GALNT15: variants seen among roughly 807,000 people sequenced by gnomAD.
GALNT15 encodes the protein UDP-GalNAc transferase T15.
In GALNT15, 67 loss-of-function variants were observed where a neutral mutation model predicts 66.8. The observed-to-expected ratio is 1.00, with a 90% CI of 0.82 to 1.23. The LOEUF (loss-of-function observed/expected upper bound fraction) is 1.23. Among genes scored for constraint, GALNT15 ranks in the 50% most tolerant of loss-of-function variants. GALNT15 has a pLI of 0.00. For missense variants in GALNT15, 827 were observed against 804.3 expected (o/e 1.03, Z -0.34); for synonymous variants, 313 against 311.5 (o/e 1.00, Z -0.05).
In GALNT15 at chr3:16,175,191, C is replaced by T. The variant is rs201602823; in HGVS notation, c.40C>T (p.Leu14Phe). The T allele has an allele frequency of 3.7e-6, 6 of 1,614,078 alleles. No individual in the cohort carries two copies. The Admixed American group carries it at 6.7e-5, about 18-fold the overall frequency. The change falls in exon 1 of 10, where the codon CTC becomes TTC. Residue 14 changes from leucine to phenylalanine, a missense_variant. Coordinates refer to ENST00000339732, the MANE Select transcript of GALNT15 (RefSeq NM_054110.5). The surrounding 1 kb of genome is among the most constrained non-coding windows in gnomAD (Gnocchi z 5.6). ...GCGATACAGGCACAGACCATGCAGA[C>T]TCCAGTTCCTCCTGCTGCTCCTGAT... Reference protein sequence around the residue: ...RKRYRHRPCRLQFLLLLLMLG... With the variant: ...RKRYRHRPCRFQFLLLLLMLG...
Position 16,228,943 on chromosome 3 carries a change from T to C in GALNT15, c.*1443T>C. On this transcript the variant is annotated 3_prime_UTR_variant, in exon 10 of 10. Transcript: ENST00000339732. ...ACAGCTGAGGCTAGTAAGAGCTAAA[T>C]GACTTTCCTTGCTATGACTTGGCTT... 1 of 985,450 alleles carries C rather than the reference T, an allele frequency of 1.0e-6. No individual in the cohort carries two copies. The highest frequency in any genetic ancestry group is 1.1e-4 in the East Asian group (1 of 8,816). The allele number at this position is 985,450 out of a possible 1,614,324, so 61.0% of individuals were successfully genotyped here.
chr3:16,241,617 C>T, the GALNT15 span, among the ~76,000 whole-genome samples: 1 of 152,094 alleles, frequency 6.6e-6, no homozygotes, highest in Admixed American at 6.6e-5. This position sits in a 1 kb window ranked among gnomAD's most constrained non-coding sequence, Gnocchi z 4.6. Flanking sequence ...GGCGCGATCT[C>T]GGCTCACTGC....
chr3:16,244,989 C>T, the GALNT15 span, among the ~76,000 whole-genome samples: 1 of 152,136 alleles, frequency 6.6e-6, no homozygotes, highest in African/African-American at 2.4e-5. Context: ...CTGCATTATG[C>T]ACCAGGGTTT....
chr3:16,227,583 A>G lies in GALNT15; in HGVS notation c.*83A>G, dbSNP rs1190778439. 2 of 1,609,478 alleles carry G rather than the reference A, an allele frequency of 1.2e-6. No homozygotes were observed. The highest frequency in any genetic ancestry group is 4.5e-5 in the East Asian group (2 of 44,778). ...CTTAAAGAGCTTATATATTTCATGA[A>G]GCTGATCCTTTTGTGTGTGTGCTCC... is the stretch of plus-strand genomic sequence containing the variant. On this transcript the variant is annotated 3_prime_UTR_variant, in exon 10 of 10. Transcript: ENST00000339732. The surrounding 1 kb of genome is among the most constrained non-coding windows in gnomAD (Gnocchi z 4.5).
At chr3:16,206,327 A>C (rs1046051072) in intron 3 of GALNT15, among the ~76,000 whole-genome samples, 1 of 150,746 alleles carries the variant, frequency 6.6e-6, no homozygotes, top group African/African-American at 2.5e-5. Context: ...GGTTGCAGTG[A>C]GCGCAGATTG....
In GALNT15 at chr3:16,207,531, A is replaced by ATTGGACT. The variant is rs1235395019; in HGVS notation, c.912-972_912-971insTTGGACT. ...AAAAAAAAAAAAAAAAAAAAAAAAA[A>ATTGGACT]AAAAAAAAAAAATTGGGCCTAAAAT... On this transcript the variant is annotated intron_variant, in intron 3 of 9. Transcript: ENST00000339732. 1.8e-3 allele frequency among the ~76,000 whole-genome samples: 8 copies of ATTGGACT among 4,344 alleles called. 1 individual carries two copies. Among genetic ancestry groups the ATTGGACT allele is most frequent in the African/African-American group, 3.1e-3 (3 of 954 alleles). 2.8% of individuals were successfully genotyped at this position (4,344 alleles called of 152,430 possible).
chr3:16,232,498 ATATATATATATATTTATT>A (rs1397158709), downstream of GALNT15, among the ~76,000 whole-genome samples: 683 of 87,628 alleles, frequency 7.8e-3, 49 homozygotes, highest in Non-Finnish European at 0.011. Context: ...ATATATATAT[ATATATATATATATTTATT>A]TAAAAGAGAC....
chr3:16,241,611 C>T, the GALNT15 span, among the ~76,000 whole-genome samples: 22 of 152,216 alleles, frequency 1.4e-4, no homozygotes, highest in Middle Eastern at 3.4e-3. This position sits in a 1 kb window ranked among gnomAD's most constrained non-coding sequence, Gnocchi z 4.6. Context: ...TGCAATGGCG[C>T]GATCTCGGCT....
intron 2 of GALNT15, among the ~76,000 whole-genome samples, chr3:16,197,862 C>T (rs1054739731): frequency 9.9e-5 from 15 of 152,180 alleles, no homozygotes; most frequent in Non-Finnish European, 2.2e-4. Flanking sequence ...TGCTCTTACC[C>T]ACTTCAAAAC....
intron 3 of GALNT15, among the ~76,000 whole-genome samples, chr3:16,206,779 A>G (rs933510893): frequency 2.0e-5 from 3 of 151,748 alleles, no homozygotes; most frequent in African/African-American, 4.8e-5. Flanking sequence ...TTGTCCTCTT[A>G]TGATTGCTGA....
the GALNT15 span, among the ~76,000 whole-genome samples, chr3:16,244,671 G>A: frequency 1.3e-5 from 2 of 152,198 alleles, no homozygotes; most frequent in African/African-American, 2.4e-5. Flanking sequence ...ACAGTGCAAA[G>A]TTGAATGAGA....
At position 16,204,894 on chromosome 3, in the gene GALNT15, A is replaced by G. The variant is rs912841769; in HGVS notation, c.912-3609A>G. Reference sequence around the variant, plus strand: ...CCCCTTGTGCTTGTGCATGTGAGTCAGTGTGTGTGTGTAAGCATGTGAGAG... The same window carrying G: ...CCCCTTGTGCTTGTGCATGTGAGTCGGTGTGTGTGTGTAAGCATGTGAGAG... On this transcript the variant is annotated intron_variant, in intron 3 of 9. Transcript: ENST00000339732. This position sits in a 1 kb window ranked among gnomAD's most constrained non-coding sequence, Gnocchi z 4.5. Among the ~76,000 whole-genome samples the G allele has an allele frequency of 2.2e-4, 34 of 152,226 alleles. No individual in the cohort carries two copies. The highest frequency in any genetic ancestry group is 7.5e-4 in the African/African-American group (31 of 41,532).
Position 16,184,624 on chromosome 3 carries a change from C to T in GALNT15, c.539+8934C>T, listed in dbSNP as rs894421946. On this transcript the variant is annotated intron_variant, in intron 1 of 9. Coordinates refer to ENST00000339732, the MANE Select transcript of GALNT15 (RefSeq NM_054110.5). This position sits in a 1 kb window ranked among gnomAD's most constrained non-coding sequence, Gnocchi z 5.0. ...GTTATGTTTAATAGGACATAAACTC[C>T]ATGCTATTAGGGGCTATCTTAGTTT... 5.3e-5 allele frequency among the ~76,000 whole-genome samples: 8 copies of T among 152,186 alleles called. No homozygotes were observed. Among genetic ancestry groups the T allele is most frequent in the Admixed American group, 5.2e-4 (8 of 15,270 alleles).
intron 6 of GALNT15, among the ~76,000 whole-genome samples, chr3:16,213,444 C>T (rs2063839646): frequency 1.3e-5 from 1 of 77,376 alleles, no homozygotes; most frequent in Non-Finnish European, 2.3e-5. Flanking sequence ...GACAGAGCAA[C>T]TCCATCTCAA....
intron 8 of GALNT15, 127 bp downstream of exon 8, chr3:16,220,141 G>T (rs901704590): frequency 8.2e-6 from 6 of 729,544 alleles, no homozygotes; most frequent in African/African-American, 6.9e-5. Context: ...TCCCTTGACT[G>T]CCATGGTCCC....
intron 6 of GALNT15, among the ~76,000 whole-genome samples, chr3:16,218,877 C>T (rs1014619586): frequency 2.0e-4 from 29 of 144,022 alleles, no homozygotes; most frequent in Admixed American, 5.1e-4. Flanking sequence ...TACAGTAACA[C>T]GATCTTGGCT....
At chr3:16,215,624 G>A (rs4685323) in intron 6 of GALNT15, among the ~76,000 whole-genome samples, 2 of 151,842 alleles carry the variant, frequency 1.3e-5, no homozygotes, top group African/African-American at 4.8e-5. Context: ...TATATCGAAG[G>A]TGCTCGGCTG....
chr3:16,198,192 A>C (rs371799464), intron 2 of GALNT15, among the ~76,000 whole-genome samples: 1 of 142,006 alleles, frequency 7.0e-6, no homozygotes, highest in East Asian at 2.1e-4. Context: ...GCCATTGGAC[A>C]CCCACCTTCA....
At chr3:16,246,948 T>C in the GALNT15 span, among the ~76,000 whole-genome samples, 2 of 152,218 alleles carry the variant, frequency 1.3e-5, no homozygotes, top group African/African-American at 2.4e-5. Context: ...TTCACAGTGT[T>C]TGCTGTTGTT....
Sources: gnomAD v4.1 joint callset for allele counts (sites outside exome capture counted in the v4.1 genomes callset) on GRCh38, gnomAD v4.1.1 for gene constraint, Gnocchi (gnomAD v3.1) non-coding constraint, MANE v1.5 for transcripts, NCBI Gene and HGNC (gene_info 2026-07-23, HGNC 2026-07-21) for gene names.